The following GRIN2B variants were observed in gnomAD, a reference collection of about 807,000 sequenced individuals.
The protein encoded by GRIN2B is glutamate ionotropic receptor NMDA type subunit 2B, also known as glutamate receptor ionotropic, NMDA 2B.
A neutral mutation model predicts 114.5 loss-of-function variants in GRIN2B; 5 were observed. The ratio of observed to expected loss-of-function variants is 0.04; its 90% CI spans 0.02 to 0.09. GRIN2B has a LOEUF of 0.09. Ranked by LOEUF, GRIN2B falls within the 10% of genes least tolerant of loss-of-function variation. The pLI is 1.00. For synonymous variants in GRIN2B, 787 were observed against 745.1 expected, an observed-to-expected ratio of 1.06 and a Z score of -0.92; for missense variants, 1,108 against 1,943.5, an observed-to-expected ratio of 0.57 and a Z score of 8.08.
intron 4 of GRIN2B, among the ~76,000 whole-genome samples, chr12:13,744,950 C>T (rs1863351052): frequency 6.6e-6 from 1 of 152,178 alleles, no homozygotes; most frequent in South Asian, 2.1e-4. Flanking sequence ...CAGTAGTCAT[C>T]CTAAATGCCC....
chr12:13,613,405 C>A (rs766887007), intron 8 of GRIN2B, among the ~76,000 whole-genome samples: 14 of 152,066 alleles, frequency 9.2e-5, no homozygotes, highest in Non-Finnish European at 1.9e-4. Flanking sequence ...TAGGGATTAC[C>A]TTATCTATTT....
intron 3 of GRIN2B, among the ~76,000 whole-genome samples, chr12:13,797,551 T>A (rs1274959959): frequency 6.6e-6 from 1 of 152,194 alleles, no homozygotes; most frequent in South Asian, 2.1e-4. Context: ...GGGTAGGACC[T>A]GCTTTGCCAT....
At chr12:13,567,787 C>T (rs1948660264) in intron 12 of GRIN2B, among the ~76,000 whole-genome samples, 1 of 151,908 alleles carries the variant, frequency 6.6e-6, no homozygotes, top group African/African-American at 2.4e-5. Context: ...TAAAGGCATG[C>T]AGAACAGTTC....
chr12:13,606,495 G>A (rs960862351), intron 10 of GRIN2B, among the ~76,000 whole-genome samples: 2 of 152,202 alleles, frequency 1.3e-5, no homozygotes, highest in Non-Finnish European at 2.9e-5. Flanking sequence ...GTTCATGAGA[G>A]ATCCACCCCC....
chr12:13,700,975 T>G (rs978224005), intron 4 of GRIN2B, among the ~76,000 whole-genome samples: 1 of 152,196 alleles, frequency 6.6e-6, no homozygotes, highest in African/African-American at 2.4e-5. Flanking sequence ...AAGATTTAAT[T>G]GACTCACAAT....
At chr12:13,778,138 G>A (rs560838319) in intron 3 of GRIN2B, among the ~76,000 whole-genome samples, 6 of 152,184 alleles carry the variant, frequency 3.9e-5, no homozygotes, top group South Asian at 2.1e-4. Context: ...CCTCTGACCC[G>A]CTCCTTTCTT....
intron 2 of GRIN2B, among the ~76,000 whole-genome samples, chr12:13,920,498 A>G (rs1411168373): frequency 6.6e-6 from 1 of 152,190 alleles, no homozygotes; most frequent in East Asian, 1.9e-4. Flanking sequence ...GATCCTTAGC[A>G]CCATTCTCAC....
rs1416946966 is a variant in GRIN2B at position 13,557,711 on chromosome 12, A to G, written c.*5072T>C. ...AGGCGGAGGCCAAAATATGGTTTAA[A>G]TGTCTTTGCCATCTAGAACCTGTAT... On this transcript the variant is annotated 3_prime_UTR_variant, in exon 14 of 14. Coordinates refer to ENST00000609686, the MANE Select transcript of GRIN2B (RefSeq NM_000834.5). 6.6e-6 allele frequency: 1 copy of G among 152,244 alleles called. No individual in the cohort carries two copies. The highest frequency in any genetic ancestry group is 1.5e-5 in the Non-Finnish European group (1 of 68,044). The allele number at this position is 152,244 out of a possible 1,614,324, so 9.4% of individuals were successfully genotyped here. A position where few individuals can be genotyped will look rare whatever the true frequency, so the allele number is the denominator to read the frequency against.
chr12:13,897,451 G>A (rs954723710), intron 2 of GRIN2B, among the ~76,000 whole-genome samples: 6 of 152,162 alleles, frequency 3.9e-5, no homozygotes, highest in African/African-American at 1.4e-4. Flanking sequence ...AGCTTAGAGA[G>A]ACTCCCAAAT....
intron 10 of GRIN2B, among the ~76,000 whole-genome samples, chr12:13,593,116 TC>T (rs2136443663): frequency 1.3e-5 from 2 of 152,262 alleles, no homozygotes; most frequent in South Asian, 2.1e-4. Flanking sequence ...GAACGGCCAT[TC>T]TGTCCAAAGT....
chr12:13,588,137 G>C (rs1805490), intron 10 of GRIN2B, among the ~76,000 whole-genome samples: 40 of 152,152 alleles, frequency 2.6e-4, no homozygotes, highest in Non-Finnish European at 5.0e-4. Flanking sequence ...GGTCTGAAAT[G>C]TGCATCTCAT....
At chr12:13,901,691 T>G (rs964505283) in intron 2 of GRIN2B, among the ~76,000 whole-genome samples, 1 of 152,118 alleles carries the variant, frequency 6.6e-6, no homozygotes, top group Non-Finnish European at 1.5e-5. Context: ...TGTTTTTTCA[T>G]TATCTTTTTG....
intron 3 of GRIN2B, among the ~76,000 whole-genome samples, chr12:13,827,229 C>T (rs200246436): frequency 2.3e-3 from 226 of 98,544 alleles, no homozygotes; most frequent in Middle Eastern, 0.012. Flanking sequence ...TTGTTGTTTT[C>T]TTTTTTTTTT....
chr12:13,932,952 C>CGTGTGT (rs5796568), intron 2 of GRIN2B, among the ~76,000 whole-genome samples: 64 of 148,790 alleles, frequency 4.3e-4, no homozygotes, highest in African/African-American at 1.1e-3. Context: ...AGGGCTTTGT[C>CGTGTGT]GTGTGTGTGT....
At chr12:13,815,252 A>G (rs220597) in intron 3 of GRIN2B, among the ~76,000 whole-genome samples, 66,883 of 151,948 alleles carry the variant, frequency 0.44, 15,436 homozygotes, top group East Asian at 0.74. Flanking sequence ...TTTGCGCAAT[A>G]CTCAGGGTAC....
chr12:13,735,926 A>G (rs1488044658), intron 4 of GRIN2B, among the ~76,000 whole-genome samples: 3 of 151,952 alleles, frequency 2.0e-5, no homozygotes, highest in African/African-American at 7.3e-5. Context: ...AATAACCTCA[A>G]TCTGAAGCAC....
At chr12:13,619,583 C>T (rs982954537) in intron 5 of GRIN2B, among the ~76,000 whole-genome samples, 1 of 152,238 alleles carries the variant, frequency 6.6e-6, no homozygotes, top group Non-Finnish European at 1.5e-5. Flanking sequence ...AATATCCTTA[C>T]TTCAAGTCCA....
chr12:13,570,855 C>T lies in GRIN2B; in HGVS notation c.2172-838G>A, dbSNP rs983446320. 2.4e-4 allele frequency among the ~76,000 whole-genome samples: 36 copies of T among 152,158 alleles called. 1 individual carries two copies. The highest frequency in any genetic ancestry group is 8.4e-4 in the African/African-American group (35 of 41,434). On this transcript the variant is annotated intron_variant, in intron 11 of 13. Transcript: ENST00000609686. Reference sequence around the variant, plus strand: ...AGAAAAGCAACACCATTATTCCCTTCATTTTTATTAGTTAAGTCACCTTGT... The same window carrying T: ...AGAAAAGCAACACCATTATTCCCTTTATTTTTATTAGTTAAGTCACCTTGT...
At chr12:13,632,846 A>G (rs1285022794) in intron 5 of GRIN2B, among the ~76,000 whole-genome samples, 1 of 152,238 alleles carries the variant, frequency 6.6e-6, no homozygotes, top group Non-Finnish European at 1.5e-5. Context: ...ATGTGATTAA[A>G]ATGCTGATAC....
Sources: allele counts gnomAD v4.1 joint callset (sites outside exome capture counted in the v4.1 genomes callset), GRCh38; gene constraint gnomAD v4.1.1; transcripts MANE v1.5; gene names NCBI Gene and HGNC (gene_info 2026-07-23, HGNC 2026-07-21).